The following CTNNA3 variants were observed in gnomAD, a reference collection of about 807,000 sequenced individuals.
CTNNA3 encodes the protein catenin alpha 3.
A neutral mutation model predicts 95.7 loss-of-function variants in CTNNA3; 76 were observed. The ratio of observed to expected loss-of-function variants is 0.79; its 90% CI spans 0.66 to 0.96. The LOEUF is 0.96. CTNNA3 is among the 40% of genes least tolerant of loss of function. CTNNA3 has a pLI of 0.00. For synonymous variants in CTNNA3, 431 were observed against 374.4 expected, an observed-to-expected ratio of 1.15 and a Z score of -1.74; for missense variants, 1,191 against 1,089.8, an observed-to-expected ratio of 1.09 and a Z score of -1.31.
At chr10:67,345,894 T>A (rs1447911168) in intron 5 of CTNNA3, among the ~76,000 whole-genome samples, 1 of 152,140 alleles carries the variant, frequency 6.6e-6, no homozygotes, top group African/African-American at 2.4e-5. Flanking sequence ...TGTTTTGTGG[T>A]CTTCTCTTCC....
intron 7 of CTNNA3, among the ~76,000 whole-genome samples, chr10:66,913,500 G>A (rs1322502797): frequency 6.6e-6 from 1 of 151,982 alleles, no homozygotes; most frequent in Non-Finnish European, 1.5e-5. Context: ...CAGATTGATC[G>A]CATGCTTTTA....
rs573222446 is a variant in CTNNA3 at position 66,299,379 on chromosome 10, G to A, written c.1733-18758C>T. ...TATAGTTAAAAAATTGTACCATGGGGGTAGAAGAATAATTTTTTTAAATCC... is the reference window on the plus strand; with the variant it reads ...TATAGTTAAAAAATTGTACCATGGGAGTAGAAGAATAATTTTTTTAAATCC... On this transcript the variant is annotated intron_variant, in intron 12 of 17. Transcript: ENST00000433211. Among the ~76,000 whole-genome samples the A allele has an allele frequency of 1.2e-4, 19 of 152,076 alleles. No homozygotes were observed. In the East Asian group the frequency reaches 1.4e-3, roughly 11 times the overall value.
At chr10:65,965,473 C>T (rs932849284) in intron 17 of CTNNA3, among the ~76,000 whole-genome samples, 3 of 135,902 alleles carry the variant, frequency 2.2e-5, no homozygotes, top group African/African-American at 5.6e-5. Context: ...GGCACGATCT[C>T]GGCTAACTGA....
In CTNNA3 at chr10:66,564,191, T is replaced by C. The variant is rs145811653; in HGVS notation, c.1375-43418A>G. Among the ~76,000 whole-genome samples the C allele has an allele frequency of 1.2e-3, 188 of 152,280 alleles. 1 individual carries two copies. Among genetic ancestry groups the C allele is most frequent in the African/African-American group, 4.5e-3 (186 of 41,554 alleles). On this transcript the variant is annotated intron_variant, in intron 10 of 17. Coordinates refer to ENST00000433211, the MANE Select transcript of CTNNA3 (RefSeq NM_013266.4). The stretch of plus-strand genomic sequence containing the variant: ...ATGCGCTTATAATAAGGAAAAGACT[T>C]CGCCAAAAGTTGTCTACTTGGTGCT...
chr10:66,174,753 C>A (rs2085620105), intron 13 of CTNNA3, among the ~76,000 whole-genome samples: 1 of 152,086 alleles, frequency 6.6e-6, no homozygotes, highest in East Asian at 1.9e-4. Context: ...TGGAACCAAT[C>A]CCCCATGTAT....
intron 6 of CTNNA3, among the ~76,000 whole-genome samples, chr10:67,203,443 T>C (rs932653876): frequency 6.6e-6 from 1 of 152,176 alleles, no homozygotes; most frequent in Non-Finnish European, 1.5e-5. Flanking sequence ...CAGTCTCAGG[T>C]ATGTCTTTAT....
At chr10:66,530,976 A>G (rs1203412938) in intron 10 of CTNNA3, among the ~76,000 whole-genome samples, 3 of 152,160 alleles carry the variant, frequency 2.0e-5, no homozygotes, top group Non-Finnish European at 2.9e-5. Context: ...GGAAAAGTTC[A>G]ACCTAGGACT....
chr10:67,580,185 T>C (rs1036812851), intron 3 of CTNNA3, among the ~76,000 whole-genome samples: 1 of 152,242 alleles, frequency 6.6e-6, no homozygotes, highest in Admixed American at 6.5e-5. Flanking sequence ...CTTATGGTTT[T>C]AGGTCTGACA....
At chr10:66,634,291 A>C (rs1203535736) in intron 9 of CTNNA3, among the ~76,000 whole-genome samples, 1 of 152,182 alleles carries the variant, frequency 6.6e-6, no homozygotes, top group African/African-American at 2.4e-5. Flanking sequence ...TAAGGTTTCC[A>C]GAAAATACAC....
chr10:67,569,449 A>T (rs1841915061), intron 3 of CTNNA3, among the ~76,000 whole-genome samples: 1 of 152,160 alleles, frequency 6.6e-6, no homozygotes, highest in Non-Finnish European at 1.5e-5. Flanking sequence ...GGGAGCAAAG[A>T]TTTAATGCAT....
At chr10:67,045,641 T>C (rs1179070858) in intron 7 of CTNNA3, among the ~76,000 whole-genome samples, 1 of 152,158 alleles carries the variant, frequency 6.6e-6, no homozygotes, top group African/African-American at 2.4e-5. Context: ...TTCCCAGGAC[T>C]AGGGGCACTC....
chr10:66,169,892 G>A (rs1204497534), intron 13 of CTNNA3, among the ~76,000 whole-genome samples: 6 of 152,034 alleles, frequency 3.9e-5, no homozygotes, highest in Non-Finnish European at 8.8e-5. Context: ...TTGCTAATTT[G>A]TTTGAGTTCC....
At chr10:66,468,918 G>T (rs1839028081) in intron 11 of CTNNA3, among the ~76,000 whole-genome samples, 1 of 151,324 alleles carries the variant, frequency 6.6e-6, no homozygotes, top group Non-Finnish European at 1.5e-5. Flanking sequence ...CATATTTTTT[G>T]ATATATATTT....
At chr10:67,038,640 C>T (rs1039583125) in intron 7 of CTNNA3, among the ~76,000 whole-genome samples, 85 of 152,116 alleles carry the variant, frequency 5.6e-4, no homozygotes, top group African/African-American at 1.8e-3. Flanking sequence ...GTCTTTCAAC[C>T]AAGTACTTGT....
At chr10:66,765,262 T>C (rs369110903) in intron 9 of CTNNA3, among the ~76,000 whole-genome samples, 1 of 152,326 alleles carries the variant, frequency 6.6e-6, no homozygotes, top group South Asian at 2.1e-4. Flanking sequence ...AGATGTTATA[T>C]TGAATGGTGT....
At chr10:66,337,638 C>G (rs1008375605) in intron 12 of CTNNA3, among the ~76,000 whole-genome samples, 7 of 152,028 alleles carry the variant, frequency 4.6e-5, no homozygotes, top group African/African-American at 1.4e-4. Context: ...TGCATGAGCA[C>G]ATGAAAAGCT....
intron 1 of CTNNA3, among the ~76,000 whole-genome samples, chr10:67,741,531 G>A (rs1841339063): frequency 6.6e-6 from 1 of 150,888 alleles, no homozygotes; most frequent in Non-Finnish European, 1.5e-5. Flanking sequence ...AGGAACAACT[G>A]GTACCAGCTA....
intron 1 of CTNNA3, among the ~76,000 whole-genome samples, chr10:67,745,178 C>T (rs1255219895): frequency 1.3e-5 from 2 of 152,086 alleles, no homozygotes; most frequent in Non-Finnish European, 2.9e-5. Flanking sequence ...CAAAGGATTA[C>T]AAATCATGCT....
intron 1 of CTNNA3, among the ~76,000 whole-genome samples, chr10:67,706,451 C>G (rs904976717): frequency 6.6e-6 from 1 of 151,874 alleles, no homozygotes; most frequent in African/African-American, 2.4e-5. Context: ...TTATACCAGC[C>G]ATAATATTAG....
Sources: gnomAD v4.1 joint callset for allele counts (sites outside exome capture counted in the v4.1 genomes callset) on GRCh38, gnomAD v4.1.1 for gene constraint, MANE v1.5 for transcripts, NCBI Gene and HGNC (gene_info 2026-07-23, HGNC 2026-07-21) for gene names.